The following USP34 variants were observed in gnomAD, a reference collection of about 807,000 sequenced individuals.
The protein encoded by USP34 is ubiquitin specific peptidase 34, also known as ubiquitin carboxyl-terminal hydrolase 34.
USP34 carries 70 observed loss-of-function variants against 460.3 expected under a neutral mutation model. The ratio of observed to expected loss-of-function variants is 0.15; its 90% CI spans 0.13 to 0.19. The LOEUF is 0.19. Among genes scored for constraint, USP34 ranks in the 10% least tolerant of loss-of-function variants. The probability of loss-of-function intolerance (pLI) is 1.00; values close to 1 mark genes in which losing one functional copy is unlikely to be tolerated. For missense variants in USP34, 3,985 were observed against 4,236.2 expected (o/e 0.94, Z 1.65); for synonymous variants, 1,647 against 1,405.3 (o/e 1.17, Z -3.85).
At chr2:61,400,933 C>A (rs1258750442) in intron 3 of USP34, among the ~76,000 whole-genome samples, 11 of 151,968 alleles carry the variant, frequency 7.2e-5, no homozygotes, top group African/African-American at 2.4e-4. Context: ...AGGCAGGTCA[C>A]AAGATCAAGT....
intron 10 of USP34, among the ~76,000 whole-genome samples, chr2:61,368,359 G>A (rs997837963): frequency 6.6e-6 from 1 of 152,024 alleles, no homozygotes; most frequent in African/African-American, 2.4e-5. Flanking sequence ...TTGAACCCGG[G>A]AGGCAGAGGT....
chr2:61,419,514 T>C (rs912172749), intron 2 of USP34, among the ~76,000 whole-genome samples: 1 of 152,086 alleles, frequency 6.6e-6, no homozygotes, highest in African/African-American at 2.4e-5. Context: ...GGATTAAAAA[T>C]AAGCTAGAAT....
intron 39 of USP34, among the ~76,000 whole-genome samples, chr2:61,279,807 G>T (rs1558506989): frequency 6.6e-6 from 1 of 152,160 alleles, no homozygotes; most frequent in Non-Finnish European, 1.5e-5. Context: ...GAATGGAAAT[G>T]TCATTTTAGT....
chr2:61,231,569 G>A (rs952847557), intron 58 of USP34, among the ~76,000 whole-genome samples: 5 of 152,008 alleles, frequency 3.3e-5, no homozygotes, highest in African/African-American at 4.8e-5. Flanking sequence ...ACAAAAATTA[G>A]CCAGGTGTGG....
At chr2:61,444,601 C>G (rs1057235458) in intron 1 of USP34, among the ~76,000 whole-genome samples, 4 of 152,124 alleles carry the variant, frequency 2.6e-5, no homozygotes, top group Non-Finnish European at 5.9e-5. Flanking sequence ...CAGATGCGGA[C>G]TTGTCATAGT....
At chr2:61,344,434 AT>A (rs1201243273) in intron 15 of USP34, among the ~76,000 whole-genome samples, 3 of 152,236 alleles carry the variant, frequency 2.0e-5, no homozygotes, top group Non-Finnish European at 4.4e-5. Context: ...GATGGACTTA[AT>A]ATTAACTGGG....
At position 61,223,384 on chromosome 2, in the gene USP34, C is replaced by T. The variant is rs892899574; in HGVS notation, c.7596-88G>A. On this transcript the variant is annotated intron_variant, in intron 62 of 79. Transcript: ENST00000398571. ...CAACATGTATCAAAAATTGTTGATT[C>T]AATTATAATTGTATTAACCTGCCAT... The T allele has an allele frequency of 3.8e-6, 5 of 1,321,044 alleles. No homozygotes were observed. In the Admixed American group the frequency reaches 1.0e-4, roughly 27 times the overall value. 81.8% of individuals were successfully genotyped at this position (1,321,044 alleles called of 1,614,324 possible).
At chr2:61,388,527 C>A (rs35125127) in intron 5 of USP34, among the ~76,000 whole-genome samples, 13,565 of 150,722 alleles carry the variant, frequency 0.09, 790 homozygotes, top group Middle Eastern at 0.18. Flanking sequence ...GAGGCCGATG[C>A]AGGCGGATCA....
At chr2:61,328,161 G>A (rs936359787) in intron 20 of USP34, among the ~76,000 whole-genome samples, 1 of 151,966 alleles carries the variant, frequency 6.6e-6, no homozygotes, top group Admixed American at 6.6e-5. Context: ...AACGAGCCGG[G>A]TGCAGTGGCA....
At chr2:61,289,649 C>T (rs1689788938) in intron 33 of USP34, among the ~76,000 whole-genome samples, 1 of 151,846 alleles carries the variant, frequency 6.6e-6, no homozygotes, top group South Asian at 2.1e-4. Flanking sequence ...AATACCTATA[C>T]TATATTACTG....
chr2:61,247,235 A>G (rs1688440163), intron 49 of USP34, among the ~76,000 whole-genome samples: 1 of 152,236 alleles, frequency 6.6e-6, no homozygotes, highest in Non-Finnish European at 1.5e-5. Flanking sequence ...AGAAAGGGAA[A>G]AGTAGAATAC....
At chr2:61,384,338 A>G (rs1199054333) in intron 5 of USP34, among the ~76,000 whole-genome samples, 1 of 152,082 alleles carries the variant, frequency 6.6e-6, no homozygotes, top group Non-Finnish European at 1.5e-5. Flanking sequence ...CAAACAAAAA[A>G]CTCTGATACT....
intron 10 of USP34, among the ~76,000 whole-genome samples, chr2:61,361,353 T>C (rs564008046): frequency 6.6e-6 from 1 of 152,264 alleles, no homozygotes; most frequent in East Asian, 1.9e-4. Flanking sequence ...GTGCAGGAAG[T>C]CGAGGCTGCA....
intron 27 of USP34, among the ~76,000 whole-genome samples, chr2:61,311,295 G>C (rs1240529798): frequency 1.3e-5 from 2 of 152,122 alleles, no homozygotes; most frequent in Non-Finnish European, 2.9e-5. Context: ...GTGCCACTTT[G>C]AAAGCAGAGA....
chr2:61,199,438 T>C (rs1041533123), intron 75 of USP34, among the ~76,000 whole-genome samples: 2 of 152,168 alleles, frequency 1.3e-5, no homozygotes, highest in African/African-American at 2.4e-5. Flanking sequence ...GTATTTTCAG[T>C]AGAGACAGGG....
intron 2 of USP34, among the ~76,000 whole-genome samples, chr2:61,410,418 T>C (rs1380612491): frequency 1.3e-5 from 2 of 152,138 alleles, no homozygotes; most frequent in Non-Finnish European, 2.9e-5. Flanking sequence ...ATGTGAGCAA[T>C]GGGGAATGGC....
intron 62 of USP34, chr2:61,223,669 C>T (rs1441080382): frequency 1.1e-5 from 2 of 188,614 alleles, no homozygotes; most frequent in Admixed American, 1.1e-4. Context: ...ATATTTCTTC[C>T]TTTTTTTCTT....
At position 61,323,542 on chromosome 2, in the gene USP34, G is replaced by T. The variant is rs530089122; in HGVS notation, c.3013+1833C>A. 2.1e-4 allele frequency among the ~76,000 whole-genome samples: 32 copies of T among 151,562 alleles called. No individual in the cohort carries two copies. In the South Asian group the frequency reaches 4.6e-3, roughly 22 times the overall value. On this transcript the variant is annotated intron_variant, in intron 21 of 79. Transcript: ENST00000398571. ...AAAAAAAAAAAAAAAAAATAGCCAG[G>T]TATGGTGATGTGCACCTATGGTCCC... is the stretch of plus-strand genomic sequence containing the variant.
At chr2:61,312,544 A>T (rs1690627171) in intron 25 of USP34, among the ~76,000 whole-genome samples, 1 of 152,066 alleles carries the variant, frequency 6.6e-6, no homozygotes, top group South Asian at 2.1e-4. Flanking sequence ...ACTAATCAGC[A>T]AATTTGGAAT....
Sources: gnomAD v4.1 joint callset for allele counts (sites outside exome capture counted in the v4.1 genomes callset) on GRCh38, gnomAD v4.1.1 for gene constraint, MANE v1.5 for transcripts, NCBI Gene and HGNC (gene_info 2026-07-23, HGNC 2026-07-21) for gene names.